The following FAM168A variants were observed in gnomAD, a reference collection of about 807,000 sequenced individuals.
The protein encoded by FAM168A is protein FAM168A.
Under a neutral mutation model 28.5 loss-of-function variants are expected in FAM168A, and 3 were observed. The ratio of observed to expected loss-of-function variants is 0.11; its 90% confidence interval spans 0.05 to 0.27. The LOEUF is 0.27. FAM168A is among the 10% of genes least tolerant of loss of function. The pLI, the probability that FAM168A is intolerant of heterozygous loss-of-function variation, is 1.00. For synonymous variants in FAM168A, 122 were observed against 124.2 expected (o/e 0.98, Z 0.12); for missense variants, 222 against 311.5 (o/e 0.71, Z 2.16).
At chr11:73,439,439 C>T (rs1017841846) in intron 2 of FAM168A, among the ~76,000 whole-genome samples, 3 of 152,172 alleles carry the variant, frequency 2.0e-5, no homozygotes, top group African/African-American at 7.2e-5. Context: ...AGAAAGGCTG[C>T]TAAAACCAGA....
chr11:73,413,188 G>A (rs1457511768), intron 4 of FAM168A, among the ~76,000 whole-genome samples: 1 of 151,984 alleles, frequency 6.6e-6, no homozygotes, highest in Non-Finnish European at 1.5e-5. Flanking sequence ...TGACTCAGGA[G>A]GATAGGAGAG....
At chr11:73,415,416 T>C (rs932547422) in intron 4 of FAM168A, among the ~76,000 whole-genome samples, 1 of 152,222 alleles carries the variant, frequency 6.6e-6, no homozygotes, top group African/African-American at 2.4e-5. Context: ...GGTTACCATT[T>C]GTCAGGAGGA....
rs140482470 is a variant in FAM168A at position 73,528,200 on chromosome 11, G to A, written c.-18-59708C>T. On this transcript the variant is annotated intron_variant, in intron 1 of 7. Transcript: ENST00000356467. ...CATGTGCAATACTCTTGTCAGAGGC[G>A]TTCGAACCAGAGCGACTCCATTTTG... Among the ~76,000 whole-genome samples, 610 of 152,278 alleles carry A rather than the reference G, an allele frequency of 4.0e-3. 6 individuals are homozygous for A. Among genetic ancestry groups the A allele is most frequent in the Middle Eastern group, 6.8e-3 (2 of 294 alleles).
chr11:73,449,854 G>A (rs911760021), intron 2 of FAM168A, among the ~76,000 whole-genome samples: 1 of 152,212 alleles, frequency 6.6e-6, no homozygotes, highest in Non-Finnish European at 1.5e-5. Flanking sequence ...GTAACAAGAA[G>A]TATGGTTTTG....
At chr11:73,582,512 T>C (rs111439234) in intron 1 of FAM168A, among the ~76,000 whole-genome samples, 2,174 of 151,906 alleles carry the variant, frequency 0.014, 24 homozygotes, top group Non-Finnish European at 0.023. Context: ...AAAAAAAAAA[T>C]TGCCTGCCAG....
At chr11:73,529,648 C>T (rs993972211) in intron 1 of FAM168A, among the ~76,000 whole-genome samples, 2 of 152,172 alleles carry the variant, frequency 1.3e-5, no homozygotes, top group African/African-American at 4.8e-5. Flanking sequence ...AAAGCTTTAA[C>T]TTACGTTAAG....
intron 1 of FAM168A, among the ~76,000 whole-genome samples, chr11:73,512,450 G>A (rs1369518909): frequency 6.6e-6 from 1 of 152,122 alleles, no homozygotes; most frequent in African/African-American, 2.4e-5. Context: ...AGTTTATTTT[G>A]AGGGTGATGA....
At position 73,418,622 on chromosome 11, in the gene FAM168A, T is replaced by G. The variant is rs990824450; in HGVS notation, c.277+1252A>C. Among the ~76,000 whole-genome samples the G allele has an allele frequency of 2.0e-5, 3 of 152,224 alleles. No homozygotes were observed. In the East Asian group the frequency reaches 5.8e-4, roughly 29 times the overall value. The stretch of plus-strand genomic sequence containing the variant: ...TCTTCTAGTCTACTTACTTAGTAGA[T>G]TAATAATTTGTGGAACCACACACTA... On this transcript the variant is annotated intron_variant, in intron 4 of 7. Transcript: ENST00000356467.
At chr11:73,448,288 C>T (rs1052864221) in intron 2 of FAM168A, among the ~76,000 whole-genome samples, 14 of 152,194 alleles carry the variant, frequency 9.2e-5, no homozygotes, top group South Asian at 4.1e-4. Context: ...CCTTGTGATC[C>T]GCCCGCCTCA....
chr11:73,589,589 T>C (rs1409339757), intron 1 of FAM168A, among the ~76,000 whole-genome samples: 1 of 151,892 alleles, frequency 6.6e-6, no homozygotes. Flanking sequence ...GGGCTGGACA[T>C]GACTGGTGTA....
At chr11:73,442,979 T>TAC (rs1192682403) in intron 2 of FAM168A, among the ~76,000 whole-genome samples, 1 of 120,910 alleles carries the variant, frequency 8.3e-6, no homozygotes, top group Non-Finnish European at 1.7e-5. Context: ...TATATATATA[T>TAC]ATATATATAT....
chr11:73,595,890 CAA>C (rs1348030193), intron 1 of FAM168A, among the ~76,000 whole-genome samples: 1 of 152,180 alleles, frequency 6.6e-6, no homozygotes, highest in Admixed American at 6.6e-5. Flanking sequence ...TTATCAATGT[CAA>C]AAGACAATCA....
chr11:73,501,752 C>T (rs1040306768), intron 1 of FAM168A, among the ~76,000 whole-genome samples: 8 of 152,032 alleles, frequency 5.3e-5, no homozygotes, highest in African/African-American at 1.9e-4. Flanking sequence ...GATCTCAAAT[C>T]GACACCCTAA....
intron 1 of FAM168A, among the ~76,000 whole-genome samples, chr11:73,470,749 A>G (rs563415963): frequency 6.6e-6 from 1 of 152,286 alleles, no homozygotes; most frequent in East Asian, 1.9e-4. Flanking sequence ...ATTATAAATT[A>G]CCCAGTCTGT....
chr11:73,492,821 A>T (rs1206310130), intron 1 of FAM168A, among the ~76,000 whole-genome samples: 1 of 152,206 alleles, frequency 6.6e-6, no homozygotes, highest in Non-Finnish European at 1.5e-5. Flanking sequence ...GTGGCAATGG[A>T]ACACAATGCA....
rs996706073 is a variant in FAM168A at position 73,543,183 on chromosome 11, T to C, written c.-19+54740A>G. On this transcript the variant is annotated intron_variant, in intron 1 of 7. Transcript: ENST00000356467. ...AATTGAAAGCACGGACTTTATTTTATTCACTGCTGTATCCCCGGAGCTAAG... is the reference window on the plus strand; with the variant it reads ...AATTGAAAGCACGGACTTTATTTTACTCACTGCTGTATCCCCGGAGCTAAG... Among the ~76,000 whole-genome samples the C allele has an allele frequency of 5.9e-5, 9 of 152,232 alleles. No individual in the cohort carries two copies. In the South Asian group the frequency reaches 1.9e-3, roughly 32 times the overall value.
intron 2 of FAM168A, among the ~76,000 whole-genome samples, chr11:73,453,097 T>G (rs1434430545): frequency 6.6e-6 from 1 of 152,238 alleles, no homozygotes; most frequent in Non-Finnish European, 1.5e-5. Context: ...CTGTGGGCTA[T>G]TCACTCCTGC....
Position 73,590,263 on chromosome 11 carries a change from C to A in FAM168A, c.-19+7660G>T, listed in dbSNP as rs564313287. Among the ~76,000 whole-genome samples the A allele has an allele frequency of 9.9e-5, 15 of 152,140 alleles. No individual in the cohort carries two copies. The East Asian group carries it at 2.9e-3, about 29-fold the overall frequency. ...CAAAAAAAATTTTAAAATAACCAGG[C>A]ATGGTGGCACATGCCTGTAGTCCCA... On this transcript the variant is annotated intron_variant, in intron 1 of 7. Coordinates refer to ENST00000356467, the MANE Select transcript of FAM168A (RefSeq NM_015159.3).
At chr11:73,549,938 A>G (rs1189179799) in intron 1 of FAM168A, among the ~76,000 whole-genome samples, 1 of 152,250 alleles carries the variant, frequency 6.6e-6, no homozygotes, top group Non-Finnish European at 1.5e-5. Flanking sequence ...ATGTAATTAA[A>G]TTACAGGTGT....
Sources: allele counts gnomAD v4.1 joint callset (sites outside exome capture counted in the v4.1 genomes callset), GRCh38; gene constraint gnomAD v4.1.1; transcripts MANE v1.5; gene names NCBI Gene and HGNC (gene_info 2026-07-23, HGNC 2026-07-21).